The following GET4 variants were observed in gnomAD, a reference collection of about 807,000 sequenced individuals.
GET4 encodes the protein Golgi to ER traffic protein 4 homolog.
A neutral mutation model predicts 40.0 loss-of-function variants in GET4; 20 were observed. The observed-to-expected ratio is 0.50, with a 90% confidence interval of 0.35 to 0.73. The LOEUF is 0.73. Ranked by LOEUF, GET4 falls within the 30% of genes least tolerant of loss-of-function variation. The pLI is 0.01. For missense variants in GET4, 557 were observed against 454.0 expected, an observed-to-expected ratio of 1.23 and a Z score of -2.06; for synonymous variants, 280 against 194.6, an observed-to-expected ratio of 1.44 and a Z score of -3.65.
chr7:884,341 G>A, intron 1 of GET4: 2 of 1,304,002 alleles, frequency 1.5e-6, no homozygotes, highest in Non-Finnish European at 2.0e-6. Context: ...CTGGAACTAG[G>A]ACGGCCGGTC....
At chr7:892,806 C>T (rs1420700367) in intron 6 of GET4, among the ~76,000 whole-genome samples, 1 of 147,886 alleles carries the variant, frequency 6.8e-6, no homozygotes, top group Non-Finnish European at 1.5e-5. Context: ...GGTGTGAGTG[C>T]AGGTGTAGAC....
chr7:893,504 T>TGC lies in GET4; in HGVS notation c.747-235_747-234insCG, dbSNP rs1209918232. 9.4e-5 allele frequency among the ~76,000 whole-genome samples: 10 copies of TGC among 106,204 alleles called. 1 individual carries two copies. Among genetic ancestry groups the TGC allele is most frequent in the Non-Finnish European group, 2.0e-4 (10 of 49,194 alleles). 69.7% of individuals were successfully genotyped at this position (106,204 alleles called of 152,430 possible). A position where few individuals can be genotyped will look rare whatever the true frequency, so the allele number is the denominator to read the frequency against. ...TGCAGGTGAGTGTTGGGTGCGGGCA[T>TGC]GGTGGTTGCAGGTGAGTGTTGGGTG... is the stretch of plus-strand genomic sequence containing the variant. On this transcript the variant is annotated intron_variant, in intron 6 of 8. Transcript: ENST00000265857.
chr7:884,538 G>A, intron 1 of GET4: 1 of 363,516 alleles, frequency 2.8e-6, no homozygotes, highest in Non-Finnish European at 5.3e-6. Context: ...CCTCTGTGCA[G>A]CACGAAGCGG....
chr7:887,719 G>C (rs1028809818), intron 4 of GET4, among the ~76,000 whole-genome samples, 200 bp downstream of exon 4: 1 of 152,226 alleles, frequency 6.6e-6, no homozygotes, highest in African/African-American at 2.4e-5. Context: ...TGCGAGAAGG[G>C]GGGCAGGCGG....
chr7:885,626 G>A (rs569983736), intron 1 of GET4: 123 of 168,694 alleles, frequency 7.3e-4, no homozygotes, highest in Non-Finnish European at 1.5e-3. Context: ...TGTCACAGCC[G>A]TTACTGTCCC....
intron 3 of GET4, chr7:887,044 C>A: frequency 1.7e-6 from 1 of 574,376 alleles, no homozygotes; most frequent in South Asian, 1.7e-5. Flanking sequence ...CTCCTAGTCC[C>A]TGCTGCTCTG....
intron 1 of GET4, among the ~76,000 whole-genome samples, chr7:877,175 C>T (rs144905402): frequency 5.8e-4 from 86 of 148,320 alleles, no homozygotes; most frequent in Admixed American, 1.0e-3. Context: ...CTCTCTCCGG[C>T]CGCCTCCCCC....
In GET4 at chr7:876,820, GC is replaced by G. The variant is rs1445500536; in HGVS notation, c.155+22del. On this transcript the variant is annotated intron_variant, in intron 1 of 8. Coordinates refer to ENST00000265857, the MANE Select transcript of GET4 (RefSeq NM_015949.3). ...CTTCAGGTACCCGCGCCCGGCCCTC[GC>G]CGCAGCCCAGCGCCCGCCCCCGCCG... 1 of 1,155,980 alleles carries G rather than the reference GC, an allele frequency of 8.7e-7. No individual in the cohort carries two copies. The highest frequency in any genetic ancestry group is 1.1e-6 in the Non-Finnish European group (1 of 926,556). The allele number at this position is 1,155,980 out of a possible 1,614,324, so 71.6% of individuals were successfully genotyped here.
At chr7:893,709 C>G in intron 6 of GET4, 31 bp from the exon 7 acceptor site, 8 of 1,482,298 alleles carry the variant, frequency 5.4e-6, no homozygotes, top group Non-Finnish European at 7.5e-6. Flanking sequence ...GTTCTGCTCA[C>G]CCAGCACATC....
intron 1 of GET4, chr7:885,802 G>T: frequency 2.0e-6 from 1 of 502,112 alleles, no homozygotes; most frequent in Non-Finnish European, 3.6e-6. Flanking sequence ...CCAGGGTGAG[G>T]CTGCTTTCTG....
At chr7:884,200 G>A in intron 1 of GET4, 2 of 1,303,240 alleles carry the variant, frequency 1.5e-6, no homozygotes, top group South Asian at 2.5e-5. Context: ...CTCAGGGTCG[G>A]TGCATGCGGT....
rs950758107 is a variant in GET4 at position 887,488 on chromosome 7, G to C, written c.435G>C (p.Leu145=). The change falls in exon 4 of 9, where the codon CTG becomes CTC. Residue 145 remains leucine (L), a synonymous_variant. Coordinates refer to ENST00000265857, the MANE Select transcript of GET4 (RefSeq NM_015949.3). The part of the protein sequence containing the change: ...GGSGKLGHPR[L]HQLLALTLWK... ...CCGGGAAGCTGGGCCACCCCCGGCTGCACCAGCTGCTGGCCCTCACCCTGT... is the reference window on the plus strand; with the variant it reads ...CCGGGAAGCTGGGCCACCCCCGGCTCCACCAGCTGCTGGCCCTCACCCTGT... The C allele has an allele frequency of 6.4e-7, 1 of 1,572,232 alleles. No individual in the cohort carries two copies. Among genetic ancestry groups the C allele is most frequent in the South Asian group, 1.2e-5 (1 of 85,080 alleles).
intron 1 of GET4, among the ~76,000 whole-genome samples, chr7:877,179 C>T (rs10263611): frequency 0.44 from 64,038 of 146,328 alleles, 14,138 homozygotes; most frequent in East Asian, 0.5. Flanking sequence ...CTCCGGCCGC[C>T]TCCCCCGCCC....
chr7:895,388 G>A lies in GET4; in HGVS notation c.950G>A (p.Ser317Asn), dbSNP rs370889052. 3 of 1,597,560 alleles carry A rather than the reference G, an allele frequency of 1.9e-6. No homozygotes were observed. The highest frequency in any genetic ancestry group is 2.7e-5 in the African/African-American group (2 of 74,490). ...GSSEQEDGEE[S>N]PSDGSPIELD ...TCAGAGCAGGAGGATGGGGAGGAGA[G>A]CCCCAGCGACGGCAGCCCCATCGAG... Residue 317 changes from serine to asparagine, a missense_variant, in exon 9 of 9, where the codon AGC becomes AAC. By Grantham distance (46) the Ser-to-Asn change is conservative (BLOSUM62 1). Coordinates refer to ENST00000265857, the MANE Select transcript of GET4 (RefSeq NM_015949.3).
At position 886,552 on chromosome 7, in the gene GET4, G is replaced by T. The variant is rs548539381; in HGVS notation, c.235-17G>T. On this transcript the variant is annotated splice_polypyrimidine_tract_variant and intron_variant, in intron 2 of 8. Transcript: ENST00000265857. ...AGGGCTTTGTTCTTGATTCTTGTGT[G>T]TTGCTTTCTCTTGTAGCAAAACAGT... 3.8e-6 allele frequency: 6 copies of T among 1,593,204 alleles called. No individual in the cohort carries two copies. The East Asian group carries it at 1.3e-4, about 36-fold the overall frequency.
intron 6 of GET4, among the ~76,000 whole-genome samples, chr7:893,282 G>T (rs568891564): frequency 7.1e-6 from 1 of 140,538 alleles, no homozygotes; most frequent in Non-Finnish European, 1.5e-5. Context: ...GGTGTGTGCA[G>T]GTGAGTGTTG....
chr7:885,320 C>G (rs1314007597), intron 1 of GET4: 2 of 152,268 alleles, frequency 1.3e-5, no homozygotes, highest in Non-Finnish European at 2.9e-5. Context: ...TCCACGCCTG[C>G]TGCTCTCGCA....
At chr7:894,554 C>A (rs1324211335) in intron 8 of GET4, among the ~76,000 whole-genome samples, 2 of 152,166 alleles carry the variant, frequency 1.3e-5, no homozygotes, top group Admixed American at 6.5e-5. Flanking sequence ...CCGGATGCCC[C>A]CCCCAGACAC....
chr7:891,301 C>G (rs571223333), intron 5 of GET4, among the ~76,000 whole-genome samples: 3 of 152,260 alleles, frequency 2.0e-5, no homozygotes, highest in Non-Finnish European at 4.4e-5. Flanking sequence ...GTGCCCTACA[C>G]ACGCCCCTCG....
Sources: gnomAD v4.1 joint callset for allele counts (sites outside exome capture counted in the v4.1 genomes callset) on GRCh38, gnomAD v4.1.1 for gene constraint, MANE v1.5 for transcripts, NCBI Gene and HGNC (gene_info 2026-07-23, HGNC 2026-07-21) for gene names.